Variants in EML5 observed in about 807,000 individuals in gnomAD.
EML5 encodes echinoderm microtubule-associated protein-like 5.
In EML5, 120 loss-of-function variants were observed where a neutral mutation model predicts 250.0. That is an observed-to-expected ratio of 0.48 (90% CI 0.41 to 0.56). EML5 has a LOEUF of 0.56. Ranked by LOEUF, EML5 falls within the 20% of genes least tolerant of loss-of-function variation. The probability of loss-of-function intolerance (pLI) is 0.00; values close to 1 mark genes in which losing one functional copy is unlikely to be tolerated. For missense variants in EML5, 2,006 were observed against 2,437.6 expected (o/e 0.82, Z 3.73); for synonymous variants, 771 against 806.5 (o/e 0.96, Z 0.75).
At chr14:88,657,228 AC>A in intron 27 of EML5, 147 bp downstream of exon 27, 1 of 721,758 alleles carries the variant, frequency 1.4e-6, no homozygotes, top group Non-Finnish European at 2.2e-6. Context: ...GTATTTAAAG[AC>A]AGACATACTT....
At position 88,705,547 on chromosome 14, in the gene EML5, G is replaced by C; in HGVS notation, c.1867C>G (p.Leu623Val). 5 of 1,602,776 alleles carry C rather than the reference G, an allele frequency of 3.1e-6. No individual in the cohort carries two copies. Among genetic ancestry groups the C allele is most frequent in the Non-Finnish European group, 4.3e-6 (5 of 1,173,956 alleles). ...DSHSDESDSD[L>V]SDVPELDSEI... ...GAATCCAGTTCTGGAACATCAGACA[G>C]ATCTGAATCTGATTCATCACTATGA... is the stretch of plus-strand genomic sequence containing the variant. The change falls in exon 12 of 44, where the codon CTG (leucine) becomes GTG (valine). Residue 623 changes from leucine to valine, a missense_variant. By Grantham distance (32) the Leu-to-Val change is conservative. Around this residue, in one of 7 missense-constraint regions of EML5, gnomAD observed 1,375 missense variants for 1,590.3 expected, o/e 0.86. Transcript: ENST00000554922.
At chr14:88,681,030 A>AGAT (rs1595497522) in intron 21 of EML5, among the ~76,000 whole-genome samples, 1 of 152,244 alleles carries the variant, frequency 6.6e-6, no homozygotes, top group East Asian at 1.9e-4. Context: ...ATGGGTAGTT[A>AGAT]AGATTAAAGA....
chr14:88,658,508 A>G, intron 25 of EML5, 120 bp from the exon 26 acceptor site: 6 of 745,026 alleles, frequency 8.1e-6, no homozygotes, highest in Non-Finnish European at 1.2e-5. Context: ...AATGTGTTAA[A>G]AAAAATGAGA....
chr14:88,621,919 A>G (rs1232432705), intron 37 of EML5: 4 of 455,938 alleles, frequency 8.8e-6, no homozygotes, highest in Non-Finnish European at 1.8e-5. Flanking sequence ...AAATACATAA[A>G]TACGTGATTC....
chr14:88,639,049 A>G (rs898430452), intron 31 of EML5, 142 bp from the exon 32 acceptor site: 5 of 623,050 alleles, frequency 8.0e-6, no homozygotes, highest in African/African-American at 7.4e-5. Context: ...ATACAGCATC[A>G]TAAGGATAGA....
chr14:88,738,848 C>T (rs750190162), intron 6 of EML5, 31 bp downstream of exon 6: 6 of 1,540,616 alleles, frequency 3.9e-6, no homozygotes, highest in South Asian at 1.2e-5. Context: ...TTAGAGTTTG[C>T]CTAGTAATAA....
intron 31 of EML5, among the ~76,000 whole-genome samples, chr14:88,640,016 G>A (rs539218353): frequency 7.2e-5 from 11 of 152,258 alleles, no homozygotes; most frequent in African/African-American, 2.6e-4. Context: ...AAAATGAAGA[G>A]GTGGAAAATG....
chr14:88,616,960 A>C, intron 41 of EML5, 81 bp from the exon 42 acceptor site: 1 of 1,329,124 alleles, frequency 7.5e-7, no homozygotes, highest in Non-Finnish European at 1.1e-6. Flanking sequence ...TTGGCAATTA[A>C]TCTCTAAGTA....
At chr14:88,631,782 AAAAC>A (rs753571034) in intron 33 of EML5, among the ~76,000 whole-genome samples, 1 of 152,164 alleles carries the variant, frequency 6.6e-6, no homozygotes, top group Non-Finnish European at 1.5e-5. Flanking sequence ...AAAAAAGAAA[AAAAC>A]AAAACAGAAA....
chr14:88,718,774 T>C (rs2093543698), intron 8 of EML5, among the ~76,000 whole-genome samples: 1 of 152,144 alleles, frequency 6.6e-6, no homozygotes, highest in Admixed American at 6.5e-5. Context: ...AGAGAGACTT[T>C]GGTTTGAGGC....
At chr14:88,639,232 T>C (rs991837020) in intron 31 of EML5, among the ~76,000 whole-genome samples, 9 of 152,228 alleles carry the variant, frequency 5.9e-5, no homozygotes, top group African/African-American at 2.4e-5. Flanking sequence ...CTGACCCAGA[T>C]AGATTTTACA....
chr14:88,751,507 G>A (rs2094093964), intron 2 of EML5, among the ~76,000 whole-genome samples: 1 of 151,136 alleles, frequency 6.6e-6, no homozygotes, highest in Non-Finnish European at 1.5e-5. Context: ...AAGAGGAAGA[G>A]TTTTTTTTTG....
At chr14:88,707,668 T>C (rs1364687864) in intron 10 of EML5, among the ~76,000 whole-genome samples, 3 of 152,192 alleles carry the variant, frequency 2.0e-5, no homozygotes, top group Admixed American at 2.0e-4. Context: ...CATTAATGCA[T>C]GAGATAGAAT....
chr14:88,666,683 C>A (rs922363621), intron 21 of EML5, among the ~76,000 whole-genome samples: 2 of 151,682 alleles, frequency 1.3e-5, no homozygotes, highest in Non-Finnish European at 2.9e-5. Flanking sequence ...TGTTAACATT[C>A]GTAAAAATAA....
At position 88,687,223 on chromosome 14, in the gene EML5, T is replaced by A; in HGVS notation, c.2847A>T (p.Gly949=). Residue 949 remains glycine (G), a synonymous_variant, in exon 19 of 44, where the codon GGA becomes GGT. Coordinates refer to ENST00000554922, the MANE Select transcript of EML5 (RefSeq NM_183387.3). ...YAIKRAALAP[G]SKGLLLEDNP... The stretch of plus-strand genomic sequence containing the variant: ...CACTAAGTCTCAAATCACCTTTAGA[T>A]CCTGGGGCCAATGCAGCTCTTTTTA... The A allele has an allele frequency of 6.2e-7, 1 of 1,606,064 alleles. No individual in the cohort carries two copies. The highest frequency in any genetic ancestry group is 8.5e-7 in the Non-Finnish European group (1 of 1,176,950).
intron 19 of EML5, 87 bp downstream of exon 19, chr14:88,687,129 C>G: frequency 1.0e-6 from 1 of 977,952 alleles, no homozygotes. Context: ...AAAATACATG[C>G]CATGTGTTCC....
rs2141177385 is a variant in EML5 at position 88,682,606 on chromosome 14, T to C, written c.2983-575A>G. Reference sequence around the variant, plus strand: ...CCGAGACTGATGCAACCAAGAACACTAGGCTCTCTCTCCCCCCAGCTCGCG... The same window carrying C: ...CCGAGACTGATGCAACCAAGAACACCAGGCTCTCTCTCCCCCCAGCTCGCG... On this transcript the variant is annotated intron_variant, in intron 20 of 43. Coordinates refer to ENST00000554922, the MANE Select transcript of EML5 (RefSeq NM_183387.3). Among the ~76,000 whole-genome samples the C allele has an allele frequency of 1.3e-5, 2 of 152,162 alleles. 1 individual carries two copies.
At chr14:88,734,173 G>C (rs1411821626) in intron 7 of EML5, among the ~76,000 whole-genome samples, 1 of 152,132 alleles carries the variant, frequency 6.6e-6, no homozygotes, top group Non-Finnish European at 1.5e-5. Flanking sequence ...TTACAGAAAG[G>C]ATTCTAGGGA....
At position 88,746,182 on chromosome 14, in the gene EML5, T is replaced by TAA. The variant is rs753772482; in HGVS notation, c.456+2_456+3insTT. Reference sequence around the variant, plus strand: ...ATTAGAAATCTCAAAAGAGAATACTTACTCTATCTGTATGACCAGGAGCCA... The same window carrying TAA: ...ATTAGAAATCTCAAAAGAGAATACTTAAACTCTATCTGTATGACCAGGAGCCA... On this transcript the variant is annotated splice_region_variant and intron_variant, in intron 3 of 43. Transcript: ENST00000554922. 6.2e-7 allele frequency: 1 copy of TAA among 1,608,538 alleles called. No homozygotes were observed. Among genetic ancestry groups the TAA allele is most frequent in the South Asian group, 1.1e-5 (1 of 90,744 alleles).
Sources: allele counts gnomAD v4.1 joint callset (sites outside exome capture counted in the v4.1 genomes callset), GRCh38; gene constraint gnomAD v4.1.1; regional missense constraint gnomAD v4.1.1; transcripts MANE v1.5; gene names NCBI Gene and HGNC (gene_info 2026-07-23, HGNC 2026-07-21).